ZNRF3: variants seen among roughly 807,000 people sequenced by gnomAD.
ZNRF3 encodes the protein zinc and ring finger 3.
ZNRF3 carries 23 observed loss-of-function variants against 72.5 expected under a neutral mutation model. The ratio of observed to expected loss-of-function variants is 0.32; its 90% CI spans 0.23 to 0.45. The LOEUF (loss-of-function observed/expected upper bound fraction) is 0.45, where lower values mean the gene tolerates loss of function less well. ZNRF3 is among the 20% of genes least tolerant of loss of function. ZNRF3 has a pLI of 1.00. For synonymous variants in ZNRF3, 610 were observed against 545.3 expected (o/e 1.12, Z -1.65); for missense variants, 1,169 against 1,272.1 (o/e 0.92, Z 1.23).
intron 2 of ZNRF3, among the ~76,000 whole-genome samples, chr22:29,014,031 A>G (rs1297588392): frequency 6.6e-6 from 1 of 152,188 alleles, no homozygotes; most frequent in Non-Finnish European, 1.5e-5. Flanking sequence ...AAACATTATG[A>G]AAGTCTTAAT....
At chr22:29,044,651 T>C (rs1232286808) in intron 4 of ZNRF3, 129 bp from the exon 5 acceptor site, 3 of 685,950 alleles carry the variant, frequency 4.4e-6, no homozygotes, top group Non-Finnish European at 8.0e-6. Context: ...ACCCCAGGAG[T>C]TTCCTGCAAA....
rs138972555 is a variant in ZNRF3, at chr22:29,040,128, G to A, written c.427-2367G>A. On this transcript the variant is annotated intron_variant, in intron 2 of 8. Coordinates refer to ENST00000544604, the MANE Select transcript of ZNRF3 (RefSeq NM_001206998.2). Reference sequence around the variant, plus strand: ...TTCTCATTTGAGTGACCAAGGCTGGGAATTTAGAAGGGACTCTAGTCATAA... The same window carrying A: ...TTCTCATTTGAGTGACCAAGGCTGGAAATTTAGAAGGGACTCTAGTCATAA... Among the ~76,000 whole-genome samples, 1,142 of 152,132 alleles carry A rather than the reference G, an allele frequency of 7.5e-3. 11 individuals are homozygous for A. The highest frequency in any genetic ancestry group is 0.024 in the African/African-American group (1,014 of 41,498).
intron 2 of ZNRF3, among the ~76,000 whole-genome samples, chr22:29,006,368 C>CT (rs2036246705): frequency 6.6e-6 from 1 of 152,160 alleles, no homozygotes; most frequent in East Asian, 1.9e-4. Flanking sequence ...CGTGTACCGC[C>CT]ACGCCTGGCT....
At chr22:28,916,903 G>C (rs1243919820) in intron 1 of ZNRF3, among the ~76,000 whole-genome samples, 1 of 152,136 alleles carries the variant, frequency 6.6e-6, no homozygotes, top group Non-Finnish European at 1.5e-5. Context: ...TTTCTTTGAA[G>C]ATGCTTTGAC....
At chr22:28,994,312 G>A (rs1207861266) in intron 2 of ZNRF3, among the ~76,000 whole-genome samples, 1 of 149,336 alleles carries the variant, frequency 6.7e-6, no homozygotes, top group African/African-American at 2.5e-5. Context: ...TCAGCCTCCT[G>A]AGTAGCTGGG....
In ZNRF3 at chr22:29,007,278, G is replaced by A. The variant is rs374083697; in HGVS notation, c.426+20077G>A. Among the ~76,000 whole-genome samples the A allele has an allele frequency of 7.9e-5, 12 of 152,262 alleles. No homozygotes were observed. In the South Asian group the frequency reaches 8.3e-4, roughly 11 times the overall value. ...AGGGGGAAAGTTTGGTTAAATTTAG[G>A]TAACTGGTTTCTCATCATTTGGGTA... On this transcript the variant is annotated intron_variant, in intron 2 of 8. Transcript: ENST00000544604.
intron 2 of ZNRF3, among the ~76,000 whole-genome samples, chr22:29,009,892 A>C (rs1439079363): frequency 1.3e-5 from 2 of 149,752 alleles, no homozygotes; most frequent in African/African-American, 2.4e-5. Context: ...GACCATCTCC[A>C]GAACTTTTTC....
intron 1 of ZNRF3, among the ~76,000 whole-genome samples, chr22:28,947,925 A>G (rs1029448960): frequency 5.3e-5 from 8 of 151,806 alleles, no homozygotes; most frequent in African/African-American, 7.3e-5. Flanking sequence ...ACTCACTGCA[A>G]TCTCCGCCTC....
At chr22:28,956,054 G>A (rs2035254761) in intron 1 of ZNRF3, among the ~76,000 whole-genome samples, 1 of 152,134 alleles carries the variant, frequency 6.6e-6, no homozygotes, top group Non-Finnish European at 1.5e-5. Flanking sequence ...TCTGGTTGAG[G>A]GAGAGGTGGT....
At chr22:29,039,961 T>C (rs1569292288) in intron 2 of ZNRF3, among the ~76,000 whole-genome samples, 3 of 151,982 alleles carry the variant, frequency 2.0e-5, no homozygotes, top group Non-Finnish European at 2.9e-5. Flanking sequence ...CTCTGATAGA[T>C]AGAAAGATAG....
At chr22:28,916,812 T>A (rs752875475) in intron 1 of ZNRF3, among the ~76,000 whole-genome samples, 2 of 152,198 alleles carry the variant, frequency 1.3e-5, no homozygotes, top group Non-Finnish European at 2.9e-5. Context: ...TTGTGGTTTG[T>A]AAGTCCTGAC....
chr22:28,893,224 T>A (rs2033925383), intron 1 of ZNRF3, among the ~76,000 whole-genome samples: 1 of 152,066 alleles, frequency 6.6e-6, no homozygotes, highest in African/African-American at 2.4e-5. Flanking sequence ...CAATTAGGTG[T>A]GTGTAAGTTC....
At chr22:28,995,774 T>C (rs138362997) in intron 2 of ZNRF3, among the ~76,000 whole-genome samples, 165 of 151,312 alleles carry the variant, frequency 1.1e-3, no homozygotes, top group African/African-American at 2.9e-3. Flanking sequence ...GGATCAAAAC[T>C]GCCTTTTTTT....
chr22:28,964,459 A>G (rs547869919), intron 1 of ZNRF3, among the ~76,000 whole-genome samples: 1 of 152,314 alleles, frequency 6.6e-6, no homozygotes, highest in African/African-American at 2.4e-5. Context: ...CAGAGGGGTG[A>G]GGGGAACAAC....
intron 1 of ZNRF3, among the ~76,000 whole-genome samples, chr22:28,901,909 C>G (rs2034111917): frequency 6.7e-6 from 1 of 149,306 alleles, no homozygotes; most frequent in African/African-American, 2.5e-5. Context: ...GTGAGTATTC[C>G]TAATCACCAA....
At chr22:28,937,201 ATATATATATATATATTT>A (rs1350295062) in intron 1 of ZNRF3, among the ~76,000 whole-genome samples, 4 of 4,414 alleles carry the variant, frequency 9.1e-4, no homozygotes, top group Admixed American at 3.1e-3. Context: ...ATATATATAT[ATATATATATATATATTT>A]TTTTTTTTTT....
At chr22:28,970,578 T>G (rs1209940454) in intron 1 of ZNRF3, among the ~76,000 whole-genome samples, 1 of 152,220 alleles carries the variant, frequency 6.6e-6, no homozygotes, top group African/African-American at 2.4e-5. Flanking sequence ...GCAGCTTTAT[T>G]TGTAATAGTG....
intron 1 of ZNRF3, among the ~76,000 whole-genome samples, chr22:28,891,815 T>G (rs1030440912): frequency 6.6e-6 from 1 of 152,230 alleles, no homozygotes; most frequent in African/African-American, 2.4e-5. Context: ...ATTTCCTTCC[T>G]TTCTTTTCCT....
chr22:28,930,826 C>T (rs914101560), intron 1 of ZNRF3, among the ~76,000 whole-genome samples: 4 of 152,202 alleles, frequency 2.6e-5, no homozygotes, highest in African/African-American at 9.7e-5. Context: ...GGGCCTTGCT[C>T]AATGCAAATT....
Sources: allele counts gnomAD v4.1 joint callset (sites outside exome capture counted in the v4.1 genomes callset), GRCh38; gene constraint gnomAD v4.1.1; transcripts MANE v1.5; gene names NCBI Gene and HGNC (gene_info 2026-07-23, HGNC 2026-07-21).